The following TUBGCP3 variants were observed in gnomAD, a reference collection of about 807,000 sequenced individuals.
The protein encoded by TUBGCP3 is tubulin gamma complex component 3, also known as gamma-tubulin complex component 3.
Under a neutral mutation model 123.1 loss-of-function variants are expected in TUBGCP3, and 50 were observed. The ratio of observed to expected loss-of-function variants is 0.41; its 90% CI spans 0.32 to 0.51. TUBGCP3 has a LOEUF of 0.51. TUBGCP3 is among the 20% of genes least tolerant of loss of function. The probability of loss-of-function intolerance (pLI) is 0.36; values close to 1 mark genes in which losing one functional copy is unlikely to be tolerated. For synonymous variants in TUBGCP3, 405 were observed against 413.9 expected (o/e 0.98, Z 0.26); for missense variants, 882 against 1,127.0 (o/e 0.78, Z 3.11).
chr13:112,520,759 C>A (rs1397175822), intron 14 of TUBGCP3, among the ~76,000 whole-genome samples: 1 of 152,124 alleles, frequency 6.6e-6, no homozygotes, highest in East Asian at 1.9e-4. Flanking sequence ...ACACTTTCAG[C>A]AAGCATTTCT....
chr13:112,569,662 G>T (rs1370818773), intron 1 of TUBGCP3, among the ~76,000 whole-genome samples: 2 of 152,154 alleles, frequency 1.3e-5, no homozygotes, highest in African/African-American at 2.4e-5. Context: ...AGTCAAAATA[G>T]ACAGTTAATT....
intron 11 of TUBGCP3, among the ~76,000 whole-genome samples, chr13:112,535,994 C>A (rs1878015908): frequency 6.6e-6 from 1 of 152,164 alleles, no homozygotes; most frequent in African/African-American, 2.4e-5. Flanking sequence ...ATCCAGTTGT[C>A]CTGTTATCAT....
intron 11 of TUBGCP3, among the ~76,000 whole-genome samples, chr13:112,537,119 C>T (rs1403715895): frequency 7.3e-6 from 1 of 136,276 alleles, no homozygotes; most frequent in East Asian, 2.2e-4. Context: ...GATGCTTTTA[C>T]CTTTTTCCTT....
intron 19 of TUBGCP3, among the ~76,000 whole-genome samples, chr13:112,502,453 T>A (rs557186123): frequency 1.3e-5 from 2 of 151,958 alleles, no homozygotes; most frequent in African/African-American, 4.8e-5. Context: ...GCAGGCAGCA[T>A]GAAACCGTCT....
At chr13:112,513,566 A>G (rs879686620) in intron 17 of TUBGCP3, among the ~76,000 whole-genome samples, 1 of 152,180 alleles carries the variant, frequency 6.6e-6, no homozygotes, top group Non-Finnish European at 1.5e-5. Flanking sequence ...ACGCCCATAC[A>G]AGGCCCCGTG....
intron 14 of TUBGCP3, among the ~76,000 whole-genome samples, chr13:112,520,375 A>G (rs1043972412): frequency 6.6e-6 from 1 of 152,098 alleles, no homozygotes; most frequent in Non-Finnish European, 1.5e-5. Flanking sequence ...CTAAAAATAC[A>G]AAAATTAGCC....
Position 112,573,879 on chromosome 13 carries a change from T to C in TUBGCP3, c.77-4620A>G, listed in dbSNP as rs569453669. 1.2e-4 allele frequency among the ~76,000 whole-genome samples: 18 copies of C among 152,232 alleles called. 1 individual carries two copies. Among genetic ancestry groups the C allele is most frequent in the Non-Finnish European group, 2.1e-4 (14 of 68,036 alleles). ...GCAGCCCAACAGGGCAGTGCCCAGC[T>C]GCATCTGCCAGCAAAAGCCAACACT... On this transcript the variant is annotated intron_variant, in intron 1 of 21. Transcript: ENST00000261965.
Position 112,547,697 on chromosome 13 carries a change from A to T in TUBGCP3, c.1091T>A (p.Leu364His). Residue 364 changes from leucine (L) to histidine (H), a missense_variant, in exon 10 of 22, where the codon CTT (leucine) becomes CAT (histidine). Transcript: ENST00000261965. The part of the protein sequence containing the change: ...VNLGLESSLT[L>H]RRLLVWTYDP... The stretch of plus-strand genomic sequence containing the variant: ...ATAGGTCCAAACCAGGAGGCGCCGA[A>T]GTGTTAAACTACTCTCAAGTCCCAA... The T allele has an allele frequency of 6.4e-7, 1 of 1,574,792 alleles. No individual in the cohort carries two copies. Among genetic ancestry groups the T allele is most frequent in the Non-Finnish European group, 8.6e-7 (1 of 1,158,346 alleles).
At position 112,524,623 on chromosome 13, in the gene TUBGCP3, AC is replaced by A. The variant is rs989262738; in HGVS notation, c.1556-2115del. 2.0e-5 allele frequency among the ~76,000 whole-genome samples: 3 copies of A among 151,632 alleles called. No homozygotes were observed. Among genetic ancestry groups the A allele is most frequent in the Non-Finnish European group, 4.4e-5 (3 of 67,886 alleles). ...TCCAGGAACAATCTGGGGTCTATGT[AC>A]CCCCCCACAAAAAAATACATGTAAA... On this transcript the variant is annotated intron_variant, in intron 13 of 21. Transcript: ENST00000261965. This position sits in a 1 kb window ranked among gnomAD's most constrained non-coding sequence, Gnocchi z 4.4.
the TUBGCP3 span, among the ~76,000 whole-genome samples, chr13:112,593,426 A>G: frequency 6.6e-6 from 1 of 151,840 alleles, no homozygotes; most frequent in Non-Finnish European, 1.5e-5. Flanking sequence ...TCTAAATTCC[A>G]AAACTTTGGG....
chr13:112,501,294 ATTTG>A (rs1226407435), intron 19 of TUBGCP3, among the ~76,000 whole-genome samples: 1 of 152,244 alleles, frequency 6.6e-6, no homozygotes, highest in Non-Finnish European at 1.5e-5. Context: ...GATTTATCTA[ATTTG>A]TTTCTTTATG....
At chr13:112,598,981 A>G in the TUBGCP3 span, among the ~76,000 whole-genome samples, 1 of 149,724 alleles carries the variant, frequency 6.7e-6, no homozygotes, top group African/African-American at 2.5e-5. Flanking sequence ...TTAGACAATA[A>G]AAGGTTTCTA....
At chr13:112,528,973 T>C (rs1034514424) in intron 11 of TUBGCP3, among the ~76,000 whole-genome samples, 5 of 152,102 alleles carry the variant, frequency 3.3e-5, no homozygotes, top group African/African-American at 1.2e-4. Context: ...CACCTCAGCC[T>C]CCCAAGTAAC....
Position 112,545,741 on chromosome 13 carries a change from G to A in TUBGCP3, c.1293C>T (p.Tyr431=). The change falls in exon 11 of 22, where the codon TAC becomes TAT. Residue 431 remains tyrosine, a synonymous_variant. Coordinates refer to ENST00000261965, the MANE Select transcript of TUBGCP3 (RefSeq NM_006322.6). The surrounding 1 kb of genome is among the most constrained non-coding windows in gnomAD (Gnocchi z 4.1). ...LVSHPVLSFL[Y]RWIYDGELED... is the part of the protein sequence containing the mutation. Reference sequence around the variant, plus strand: ...CAAGCTCCCCATCATATATCCAGCGGTACAGGAAGCTCAAAACAGGATGAG... The same window carrying A: ...CAAGCTCCCCATCATATATCCAGCGATACAGGAAGCTCAAAACAGGATGAG... The A allele has an allele frequency of 6.2e-7, 1 of 1,614,132 alleles. No individual in the cohort carries two copies. Among genetic ancestry groups the A allele is most frequent in the East Asian group, 2.2e-5 (1 of 44,880 alleles).
chr13:112,558,124 G>A (rs1458899794), intron 5 of TUBGCP3, 72 bp downstream of exon 5: 1 of 1,482,676 alleles, frequency 6.7e-7, no homozygotes, highest in African/African-American at 1.4e-5. Context: ...GAACATCAAT[G>A]TCTGGTTAAC....
chr13:112,488,520 G>A (rs574415723), intron 21 of TUBGCP3, among the ~76,000 whole-genome samples: 6 of 152,298 alleles, frequency 3.9e-5, no homozygotes, highest in South Asian at 2.1e-4. Flanking sequence ...AGTCCCCATC[G>A]GGAGTCACTG....
intron 17 of TUBGCP3, among the ~76,000 whole-genome samples, chr13:112,507,056 C>G (rs990035197): frequency 2.0e-5 from 3 of 152,200 alleles, no homozygotes; most frequent in African/African-American, 7.2e-5. Context: ...AGCTATTTCT[C>G]AGATGTGATT....
At chr13:112,531,385 C>A (rs1373457075) in intron 11 of TUBGCP3, among the ~76,000 whole-genome samples, 2 of 152,202 alleles carry the variant, frequency 1.3e-5, no homozygotes, top group Non-Finnish European at 2.9e-5. Context: ...ACGGAGGCGT[C>A]ATCGACTTAA....
chr13:112,516,698 TAA>T, intron 16 of TUBGCP3, 123 bp from the exon 17 acceptor site: 2 of 1,201,106 alleles, frequency 1.7e-6, no homozygotes, highest in Non-Finnish European at 2.3e-6. Context: ...GCATGCTAAG[TAA>T]AGTCACAGTA....
Sources: allele counts gnomAD v4.1 joint callset (sites outside exome capture counted in the v4.1 genomes callset), GRCh38; gene constraint gnomAD v4.1.1; non-coding constraint Gnocchi (gnomAD v3.1); transcripts MANE v1.5; gene names NCBI Gene and HGNC (gene_info 2026-07-23, HGNC 2026-07-21).